Variants in ZFP1 observed in about 807,000 individuals in gnomAD.
The protein encoded by ZFP1 is ZFP1 zinc finger protein.
In ZFP1, 32 loss-of-function variants were observed where a neutral mutation model predicts 38.5. The ratio of observed to expected loss-of-function variants is 0.83; its 90% CI spans 0.63 to 1.12. The LOEUF (loss-of-function observed/expected upper bound fraction) is 1.12. Among genes scored for constraint, ZFP1 ranks in the 50% most tolerant of loss-of-function variants. The pLI is 0.00. For missense variants in ZFP1, 616 were observed against 480.8 expected (o/e 1.28, Z -2.63); for synonymous variants, 245 against 168.8 (o/e 1.45, Z -3.50).
chr16:75,137,575 CTCCT>C, the ZFP1 span, among the ~76,000 whole-genome samples: 1 of 5,296 alleles, frequency 1.9e-4, no homozygotes, highest in East Asian at 3.1e-3. Flanking sequence ...ATTCTCCTGC[CTCCT>C]CAGTCTCCTG....
chr16:75,161,138 G>A (rs1487608145), intron 2 of ZFP1, among the ~76,000 whole-genome samples: 5 of 152,024 alleles, frequency 3.3e-5, no homozygotes. Context: ...CACCATCTTG[G>A]CTCACTGCCA....
At chr16:75,123,449 GTA>G in the ZFP1 span, among the ~76,000 whole-genome samples, 1,509 of 48,136 alleles carry the variant, frequency 0.031, 45 homozygotes, top group South Asian at 0.064. Flanking sequence ...GTGTGTGTGT[GTA>G]TATGTATATA....
Position 75,166,851 on chromosome 16 carries a change from T to C in ZFP1, c.97T>C (p.Tyr33His). ...ACTGGACCCCTCTCAGAGGATCCTATACATGGATGTGATGCTGGAGAATTA... is the reference window on the plus strand; with the variant it reads ...ACTGGACCCCTCTCAGAGGATCCTACACATGGATGTGATGCTGGAGAATTA... The part of the protein sequence containing the change: ...EQLDPSQRIL[Y>H]MDVMLENYSN... Residue 33 changes from tyrosine to histidine, a missense_variant, in exon 3 of 4, where the codon TAC becomes CAC. Coordinates refer to ENST00000570010, the MANE Select transcript of ZFP1 (RefSeq NM_153688.4). 1.2e-6 allele frequency: 2 copies of C among 1,614,192 alleles called. No individual in the cohort carries two copies. Among genetic ancestry groups the C allele is most frequent in the Non-Finnish European group, 1.7e-6 (2 of 1,180,018 alleles).
chr16:75,143,569 A>T (rs1466142170), upstream of ZFP1, among the ~76,000 whole-genome samples: 1 of 149,764 alleles, frequency 6.7e-6, no homozygotes, highest in African/African-American at 2.5e-5. Flanking sequence ...ATGTGTGATA[A>T]TATTGTTATT....
Position 75,151,312 on chromosome 16 carries a change from C to A in ZFP1, c.-43-1597C>A, listed in dbSNP as rs181742283. Reference sequence around the variant, plus strand: ...GTCTTACTTTTTTTATATAATTTGACCTCTGTTATTTAATTGGTGTGTTTA... The same window carrying A: ...GTCTTACTTTTTTTATATAATTTGAACTCTGTTATTTAATTGGTGTGTTTA... On this transcript the variant is annotated intron_variant, in intron 1 of 3. Coordinates refer to ENST00000570010, the MANE Select transcript of ZFP1 (RefSeq NM_153688.4). Among the ~76,000 whole-genome samples, 134 of 152,022 alleles carry A rather than the reference C, an allele frequency of 8.8e-4. 1 individual carries two copies. Among genetic ancestry groups the A allele is most frequent in the South Asian group, 4.6e-3 (22 of 4,814 alleles).
chr16:75,144,434 G>A (rs2036922223), upstream of ZFP1, among the ~76,000 whole-genome samples: 1 of 151,968 alleles, frequency 6.6e-6, no homozygotes, highest in Non-Finnish European at 1.5e-5. Flanking sequence ...TTTATTTTAC[G>A]TTTACCTACT....
At chr16:75,146,232 G>A (rs1448552076), upstream of ZFP1, among the ~76,000 whole-genome samples, 3 of 150,890 alleles carry the variant, frequency 2.0e-5, no homozygotes, top group South Asian at 2.1e-4. Context: ...GTGCAATCTC[G>A]GCTCACTGCA....
At chr16:75,141,803 C>T in the ZFP1 span, among the ~76,000 whole-genome samples, 5 of 151,454 alleles carry the variant, frequency 3.3e-5, no homozygotes, top group East Asian at 9.7e-4. Flanking sequence ...GTAATCCCAG[C>T]ACTTTGGGAG....
upstream of ZFP1, among the ~76,000 whole-genome samples, chr16:75,147,261 T>C (rs1430685622): frequency 6.6e-6 from 1 of 152,076 alleles, no homozygotes; most frequent in Admixed American, 6.6e-5. Flanking sequence ...ATGTAAGCTA[T>C]GGACTTTGGG....
intron 2 of ZFP1, among the ~76,000 whole-genome samples, chr16:75,157,385 A>C (rs1203641754): frequency 6.6e-6 from 1 of 151,600 alleles, no homozygotes; most frequent in Non-Finnish European, 1.5e-5. Flanking sequence ...CTGTGATTAC[A>C]GGTGTGTGCC....
At chr16:75,139,580 T>C in the ZFP1 span, among the ~76,000 whole-genome samples, 16 of 151,994 alleles carry the variant, frequency 1.1e-4, no homozygotes, top group South Asian at 3.3e-3. Context: ...TGGTCCGAGC[T>C]ACTCAGGAGA....
chr16:75,161,047 C>T (rs1266011688), intron 2 of ZFP1, among the ~76,000 whole-genome samples: 1 of 151,288 alleles, frequency 6.6e-6, no homozygotes, highest in Non-Finnish European at 1.5e-5. Flanking sequence ...ACCCAAACAC[C>T]AGTTTGTATT....
chr16:75,168,002 A>T (rs909536217), intron 3 of ZFP1, among the ~76,000 whole-genome samples: 3 of 152,120 alleles, frequency 2.0e-5, no homozygotes, highest in Non-Finnish European at 4.4e-5. Context: ...CGGAGGTTGC[A>T]GTGAGCTGAG....
chr16:75,155,616 G>A (rs1203800529), intron 2 of ZFP1, among the ~76,000 whole-genome samples: 1 of 152,112 alleles, frequency 6.6e-6, no homozygotes, highest in East Asian at 1.9e-4. Flanking sequence ...AAATATATAT[G>A]CATTAAAGAA....
chr16:75,151,100 C>A (rs559761611), intron 1 of ZFP1, among the ~76,000 whole-genome samples: 2 of 152,170 alleles, frequency 1.3e-5, no homozygotes, highest in East Asian at 1.9e-4. Context: ...CTCAAGCAGT[C>A]CACCCACCTT....
chr16:75,121,114 C>T, the ZFP1 span, among the ~76,000 whole-genome samples: 1 of 152,072 alleles, frequency 6.6e-6, no homozygotes, highest in Non-Finnish European at 1.5e-5. Context: ...AAGGTAGTCC[C>T]TTTATCTAAA....
rs748500125 is a variant in ZFP1 at position 75,164,370 on chromosome 16, T to TAATC, written c.16-2398_16-2395dup. Among the ~76,000 whole-genome samples, 22 of 152,356 alleles carry TAATC rather than the reference T, an allele frequency of 1.4e-4. No individual in the cohort carries two copies. In the South Asian group the frequency reaches 1.7e-3, roughly 11 times the overall value. Reference sequence around the variant, plus strand: ...GTACTTTCCTATTTTAAACAAAAGTTAATCAGAATTTTTCTTCCAAACATG... The same window carrying TAATC: ...GTACTTTCCTATTTTAAACAAAAGTTAATCAATCAGAATTTTTCTTCCAAACATG... On this transcript the variant is annotated intron_variant, in intron 2 of 3. Coordinates refer to ENST00000570010, the MANE Select transcript of ZFP1 (RefSeq NM_153688.4).
chr16:75,152,160 A>G (rs955960476), intron 1 of ZFP1, among the ~76,000 whole-genome samples: 3 of 151,912 alleles, frequency 2.0e-5, no homozygotes, highest in African/African-American at 7.3e-5. Context: ...ATTTGTTTGG[A>G]TACGATGTGT....
At chr16:75,149,904 C>T (rs1318974769) in intron 1 of ZFP1, among the ~76,000 whole-genome samples, 1 of 151,974 alleles carries the variant, frequency 6.6e-6, no homozygotes. Context: ...CGGGTTCAAG[C>T]AGTCCTCCTG....
Sources: allele counts gnomAD v4.1 joint callset (sites outside exome capture counted in the v4.1 genomes callset), GRCh38; gene constraint gnomAD v4.1.1; transcripts MANE v1.5; gene names NCBI Gene and HGNC (gene_info 2026-07-23, HGNC 2026-07-21).